The following PPARG variants were observed in gnomAD, a reference collection of about 807,000 sequenced individuals.
The protein encoded by PPARG is peroxisome proliferator activated receptor gamma.
A neutral mutation model predicts 39.2 loss-of-function variants in PPARG; 17 were observed. The observed-to-expected ratio is 0.43, with a 90% CI of 0.30 to 0.65. The LOEUF (loss-of-function observed/expected upper bound fraction) is 0.65. PPARG is among the 30% of genes least tolerant of loss of function. The pLI, the probability that PPARG is intolerant of heterozygous loss-of-function variation, is 0.13. For synonymous variants in PPARG, 223 were observed against 215.7 expected, an observed-to-expected ratio of 1.03 and a Z score of -0.30; for missense variants, 406 against 585.9, an observed-to-expected ratio of 0.69 and a Z score of 3.17.
In PPARG at chr3:12,306,824, C is replaced by T. The variant is rs564757724; in HGVS notation, c.-82-5556C>T. On this transcript the variant is annotated intron_variant, in intron 1 of 7. Transcript: ENST00000651735. ...TAGAAATCAACCGCTGGGCCGGGCG[C>T]GGTGGCTCACGCCTGTAATCCCCCA... Among the ~76,000 whole-genome samples, 27 of 152,114 alleles carry T rather than the reference C, an allele frequency of 1.8e-4. 1 individual carries two copies. Among genetic ancestry groups the T allele is most frequent in the African/African-American group, 5.3e-4 (22 of 41,494 alleles).
At chr3:12,318,028 C>CA (rs1490086840) in intron 2 of PPARG, among the ~76,000 whole-genome samples, 2 of 152,048 alleles carry the variant, frequency 1.3e-5, no homozygotes, top group Non-Finnish European at 2.9e-5. Flanking sequence ...GGCTGGAGTG[C>CA]AGTGGTGCAA....
intron 2 of PPARG, among the ~76,000 whole-genome samples, chr3:12,366,016 A>T (rs980057095): frequency 1.3e-5 from 2 of 152,082 alleles, no homozygotes; most frequent in Middle Eastern, 3.2e-3. Context: ...GACAATACTG[A>T]GTCTTCCTAT....
At chr3:12,408,375 A>C (rs924401726) in intron 6 of PPARG, among the ~76,000 whole-genome samples, 3 of 152,188 alleles carry the variant, frequency 2.0e-5, no homozygotes, top group Non-Finnish European at 4.4e-5. Flanking sequence ...TGGTGTTTAT[A>C]AAGCTCATTC....
At chr3:12,337,092 G>T (rs1179166923) in intron 2 of PPARG, among the ~76,000 whole-genome samples, 1 of 152,146 alleles carries the variant, frequency 6.6e-6, no homozygotes, top group Non-Finnish European at 1.5e-5. Context: ...AAACAGATCA[G>T]GTCTAAATTA....
intron 3 of PPARG, 121 bp downstream of exon 3, chr3:12,380,052 C>A: frequency 1.1e-6 from 1 of 895,794 alleles, no homozygotes; most frequent in Non-Finnish European, 1.8e-6. Flanking sequence ...ATTCACCATT[C>A]ATTTATTCAC....
At chr3:12,304,401 G>T (rs1413733284) in intron 1 of PPARG, among the ~76,000 whole-genome samples, 1 of 152,228 alleles carries the variant, frequency 6.6e-6, no homozygotes, top group Admixed American at 6.5e-5. Flanking sequence ...TTTAGAGGAT[G>T]TGGAGGACGT....
At chr3:12,356,603 T>C (rs2048673655) in intron 2 of PPARG, among the ~76,000 whole-genome samples, 1 of 152,222 alleles carries the variant, frequency 6.6e-6, no homozygotes, top group Non-Finnish European at 1.5e-5. Flanking sequence ...CAGTGCAAAC[T>C]GCCAATAGTC....
rs199995596 is a variant in PPARG, at chr3:12,406,117, G to A, written c.729+36G>A. On this transcript the variant is annotated intron_variant, in intron 6 of 7. Transcript: ENST00000651735. ...TTCTGCTGTCTTCATTGGGGGAGGC[G>A]GGAAGTTGTTTTGGGTTTTTGTTTC... is the stretch of plus-strand genomic sequence containing the variant. The A allele has an allele frequency of 3.0e-4, 476 of 1,602,730 alleles. No homozygotes were observed. The Admixed American group carries it at 5.9e-3, about 20-fold the overall frequency.
chr3:12,310,058 G>T (rs2047182901), intron 1 of PPARG, among the ~76,000 whole-genome samples: 1 of 152,154 alleles, frequency 6.6e-6, no homozygotes. Context: ...TCTTGTCTCT[G>T]CCCTACTGTG....
intron 2 of PPARG, among the ~76,000 whole-genome samples, chr3:12,373,474 G>T (rs1013621851): frequency 5.3e-5 from 8 of 152,076 alleles, no homozygotes. Context: ...ATCGTTAAGG[G>T]GAATGGTTAT....
At chr3:12,309,143 T>C (rs375553702) in intron 1 of PPARG, among the ~76,000 whole-genome samples, 13 of 152,340 alleles carry the variant, frequency 8.5e-5, no homozygotes, top group East Asian at 3.9e-4. Context: ...AAGTTATCTA[T>C]AGAATACATT....
chr3:12,350,591 G>A (rs774058142), intron 2 of PPARG, among the ~76,000 whole-genome samples: 50 of 152,160 alleles, frequency 3.3e-4, no homozygotes, highest in Non-Finnish European at 6.8e-4. Flanking sequence ...CGGTAATTTG[G>A]CACAGCTAGT....
chr3:12,311,448 T>C (rs2047241989), intron 1 of PPARG, among the ~76,000 whole-genome samples: 1 of 152,232 alleles, frequency 6.6e-6, no homozygotes, highest in Non-Finnish European at 1.5e-5. Context: ...ATACGTTGGC[T>C]ATAGTTTATA....
chr3:12,431,667 T>C (rs7634282), intron 7 of PPARG, among the ~76,000 whole-genome samples: 25,149 of 152,188 alleles, frequency 0.17, 2,284 homozygotes, highest in Admixed American at 0.25. Context: ...GAGCTGGGCA[T>C]GGTGACTCAT....
At chr3:12,294,681 G>A (rs2046732974) in intron 1 of PPARG, among the ~76,000 whole-genome samples, 1 of 152,154 alleles carries the variant, frequency 6.6e-6, no homozygotes, top group Non-Finnish European at 1.5e-5. Flanking sequence ...GATCACCTGA[G>A]GTCAGGAGTT....
In PPARG at chr3:12,379,736, T is replaced by A. The variant is rs777492588; in HGVS notation, c.25T>A (p.Trp9Arg). The A allele has an allele frequency of 6.2e-7, 1 of 1,614,036 alleles. No homozygotes were observed. The highest frequency in any genetic ancestry group is 8.5e-7 in the Non-Finnish European group (1 of 1,179,940). The change falls in exon 3 of 8, where the codon TGG (tryptophan) becomes AGG (arginine). Residue 9 changes from tryptophan to arginine, a missense_variant. This residue lies in a region of PPARG where 131 missense variants were observed against 127.9 expected (regional missense o/e 1.02). Coordinates refer to ENST00000651735, the MANE Select transcript of PPARG (RefSeq NM_138711.6). MVDTEMPF[W>R]PTNFGISSVD... The stretch of plus-strand genomic sequence containing the variant: ...CATGGTTGACACAGAGATGCCATTC[T>A]GGCCCACCAACTTTGGGATCAGCTC...
intron 2 of PPARG, among the ~76,000 whole-genome samples, chr3:12,318,685 C>T (rs1269931456): frequency 6.6e-6 from 1 of 152,068 alleles, no homozygotes; most frequent in African/African-American, 2.4e-5. Context: ...TAAATAAAGC[C>T]AATTATGAGC....
intron 1 of PPARG, among the ~76,000 whole-genome samples, chr3:12,299,131 G>T (rs2046865174): frequency 6.6e-6 from 1 of 152,186 alleles, no homozygotes; most frequent in South Asian, 2.1e-4. Context: ...CACGCGCCCA[G>T]CCTGAAGCTT....
At chr3:12,324,739 T>C (rs1574991391) in intron 2 of PPARG, among the ~76,000 whole-genome samples, 2 of 152,170 alleles carry the variant, frequency 1.3e-5, no homozygotes, top group East Asian at 3.8e-4. Flanking sequence ...AGAGTTAATA[T>C]CTTCATAGGT....
Sources: gnomAD v4.1 joint callset for allele counts (sites outside exome capture counted in the v4.1 genomes callset) on GRCh38, gnomAD v4.1.1 for gene constraint, gnomAD v4.1.1 regional missense constraint, MANE v1.5 for transcripts, NCBI Gene and HGNC (gene_info 2026-07-23, HGNC 2026-07-21) for gene names.